Variants in RBFOX1 observed in about 807,000 individuals in gnomAD.
The protein encoded by RBFOX1 is RNA binding fox-1 homolog 1.
Under a neutral mutation model 57.7 loss-of-function variants are expected in RBFOX1, and 8 were observed. The ratio of observed to expected loss-of-function variants is 0.14; its 90% CI spans 0.08 to 0.25. RBFOX1 has a LOEUF of 0.25. Ranked by LOEUF, RBFOX1 falls within the 10% of genes least tolerant of loss-of-function variation. RBFOX1 has a pLI of 1.00. For missense variants in RBFOX1, 611 were observed against 548.5 expected, an observed-to-expected ratio of 1.11 and a Z score of -1.14; for synonymous variants, 326 against 222.4, an observed-to-expected ratio of 1.47 and a Z score of -4.15.
At chr16:7,266,006 G>C (rs1271164523) in intron 4 of RBFOX1, among the ~76,000 whole-genome samples, 2 of 117,138 alleles carry the variant, frequency 1.7e-5, no homozygotes, top group Non-Finnish European at 3.3e-5. Context: ...AGGGAGTCTT[G>C]CTGTGTTGCC....
At chr16:6,830,551 C>G (rs2092632788) in intron 3 of RBFOX1, among the ~76,000 whole-genome samples, 1 of 152,112 alleles carries the variant, frequency 6.6e-6, no homozygotes, top group African/African-American at 2.4e-5. Flanking sequence ...TATCTGGAGG[C>G]ATTCTGGTTT....
At chr16:7,262,446 C>T (rs1261335366) in intron 4 of RBFOX1, among the ~76,000 whole-genome samples, 1 of 152,066 alleles carries the variant, frequency 6.6e-6, no homozygotes, top group Admixed American at 6.5e-5. Context: ...AGGTAAATAA[C>T]TGGATATATG....
intron 3 of RBFOX1, among the ~76,000 whole-genome samples, chr16:6,929,304 T>C (rs6500881): frequency 0.63 from 96,360 of 151,798 alleles, 31,174 homozygotes; most frequent in Non-Finnish European, 0.71. Flanking sequence ...CTCTGGTAAA[T>C]GGAAGAGGGG....
chr16:6,955,485 C>T (rs1422324393), intron 3 of RBFOX1, among the ~76,000 whole-genome samples: 3 of 151,910 alleles, frequency 2.0e-5, no homozygotes, highest in Non-Finnish European at 4.4e-5. Flanking sequence ...CACATTCAGG[C>T]AAGATATGAA....
In RBFOX1 at chr16:6,565,261, C is replaced by CTTTTT. The variant is rs71145253; in HGVS notation, c.-63-89337_-63-89333dup. Among the ~76,000 whole-genome samples, 490 of 147,710 alleles carry CTTTTT rather than the reference C, an allele frequency of 3.3e-3. 8 individuals carry two copies. Among genetic ancestry groups the CTTTTT allele is most frequent in the South Asian group, 0.03 (141 of 4,672 alleles). On this transcript the variant is annotated intron_variant, in intron 2 of 15. Coordinates refer to ENST00000550418, the MANE Select transcript of RBFOX1 (RefSeq NM_018723.4). Reference sequence around the variant, plus strand: ...GTGAAATGACTTTTTCTTTTCTTTTCTTTTTTTTTGTCTGAGACAGAGTCT... The same window carrying CTTTTT: ...GTGAAATGACTTTTTCTTTTCTTTTCTTTTTTTTTTTTTTGTCTGAGACAGAGTCT...
chr16:6,311,507 T>G (rs79576448), intron 1 of RBFOX1, among the ~76,000 whole-genome samples: 2 of 152,278 alleles, frequency 1.3e-5, no homozygotes, highest in South Asian at 4.1e-4. Context: ...TATTCCATGC[T>G]GTCCTCACTG....
intron 2 of RBFOX1, among the ~76,000 whole-genome samples, chr16:6,531,870 C>T (rs1403806489): frequency 1.3e-5 from 2 of 152,164 alleles, no homozygotes; most frequent in Non-Finnish European, 1.5e-5. Flanking sequence ...AATTAGGGCT[C>T]ATTGGTTGCA....
intron 4 of RBFOX1, among the ~76,000 whole-genome samples, chr16:7,422,555 C>T: frequency 6.6e-6 from 1 of 152,186 alleles, no homozygotes; most frequent in Admixed American, 6.5e-5. Flanking sequence ...GAAGTCAAAT[C>T]AAATAAAGTT....
intron 4 of RBFOX1, among the ~76,000 whole-genome samples, chr16:7,459,945 G>A (rs935654194): frequency 8.5e-5 from 13 of 152,094 alleles, no homozygotes; most frequent in Non-Finnish European, 1.6e-4. Context: ...TAGTTTATTG[G>A]TTGGATACTT....
chr16:7,132,823 G>C (rs985153449), intron 4 of RBFOX1, among the ~76,000 whole-genome samples: 1 of 151,852 alleles, frequency 6.6e-6, no homozygotes, highest in Non-Finnish European at 1.5e-5. Flanking sequence ...GAAAAAAAAA[G>C]ATACATCTTT....
At chr16:6,317,318 G>C (rs1478747149) in intron 2 of RBFOX1, among the ~76,000 whole-genome samples, 1 of 152,062 alleles carries the variant, frequency 6.6e-6, no homozygotes, top group East Asian at 1.9e-4. Context: ...TTTATTAGCT[G>C]GGGATTAAAA....
intron 3 of RBFOX1, among the ~76,000 whole-genome samples, chr16:6,914,404 AAG>A (rs1324099112): frequency 6.6e-6 from 1 of 152,170 alleles, no homozygotes; most frequent in Non-Finnish European, 1.5e-5. Flanking sequence ...TACAAGTTAA[AAG>A]AGGAAGAGAG....
At chr16:7,193,970 G>C (rs1158604639) in intron 4 of RBFOX1, among the ~76,000 whole-genome samples, 1 of 150,972 alleles carries the variant, frequency 6.6e-6, no homozygotes, top group African/African-American at 2.4e-5. Flanking sequence ...TTTTTTTAAG[G>C]ATTGGCTAAA....
chr16:6,145,625 C>A (rs2096752069), intron 1 of RBFOX1, among the ~76,000 whole-genome samples: 1 of 152,158 alleles, frequency 6.6e-6, no homozygotes, highest in Non-Finnish European at 1.5e-5. Flanking sequence ...TATCCACTTT[C>A]CCTCTTAGAG....
Position 5,815,260 on chromosome 16 carries a change from C to G in RBFOX1, c.319-52043C>G, listed in dbSNP as rs28692624. Among the ~76,000 whole-genome samples the G allele has an allele frequency of 3.0e-3, 439 of 147,942 alleles. 3 individuals are homozygous for G. Among genetic ancestry groups the G allele is most frequent in the African/African-American group, 9.7e-3 (388 of 39,896 alleles). On this transcript the variant is annotated intron_variant, in intron 3 of 19. Coordinates refer to the RBFOX1 transcript ENST00000641259. ...CCTCCTGTCTCAGCCTCCCAAAGTG[C>G]TGGGATTACAGGTGTGAGCCATCGT...
At chr16:7,350,610 C>G (rs17648115) in intron 4 of RBFOX1, among the ~76,000 whole-genome samples, 59,129 of 152,098 alleles carry the variant, frequency 0.39, 14,236 homozygotes, top group African/African-American at 0.69. Context: ...GCAAAACAGA[C>G]AGGACAGCTA....
intron 4 of RBFOX1, among the ~76,000 whole-genome samples, chr16:7,223,916 A>C (rs766022047): frequency 6.6e-6 from 1 of 151,968 alleles, no homozygotes; most frequent in East Asian, 1.9e-4. Flanking sequence ...AATTGTACCA[A>C]GTTGAAAGTG....
At chr16:6,735,783 G>C (rs936857838) in intron 3 of RBFOX1, among the ~76,000 whole-genome samples, 3 of 152,166 alleles carry the variant, frequency 2.0e-5, no homozygotes, top group African/African-American at 7.2e-5. Flanking sequence ...GTGATCTGTG[G>C]TTCCTCTCCC....
chr16:7,479,469 T>G (rs2151169805), intron 4 of RBFOX1, among the ~76,000 whole-genome samples: 1 of 152,262 alleles, frequency 6.6e-6, no homozygotes, highest in African/African-American at 2.4e-5. Flanking sequence ...TGCCCTTTTC[T>G]CAGCCCTTCC....
Sources: allele counts gnomAD v4.1 joint callset (sites outside exome capture counted in the v4.1 genomes callset), GRCh38; gene constraint gnomAD v4.1.1; transcripts MANE v1.5; gene names NCBI Gene and HGNC (gene_info 2026-07-23, HGNC 2026-07-21).